C8orf34: variants seen among roughly 807,000 people sequenced by gnomAD.
The protein encoded by C8orf34 is uncharacterized protein C8orf34.
In C8orf34, 65 loss-of-function variants were observed where a neutral mutation model predicts 68.3. The observed-to-expected ratio is 0.95, with a 90% CI of 0.78 to 1.17. The LOEUF is 1.17. C8orf34 is among the 50% of genes most tolerant of loss of function. The pLI, the probability that C8orf34 is intolerant of heterozygous loss-of-function variation, is 0.00. For synonymous variants in C8orf34, 244 were observed against 241.2 expected (o/e 1.01, Z -0.11); for missense variants, 664 against 655.4 (o/e 1.01, Z -0.14).
At chr8:68,352,823 A>G (rs999169147) in intron 1 of C8orf34, among the ~76,000 whole-genome samples, 1 of 152,170 alleles carries the variant, frequency 6.6e-6, no homozygotes, top group Non-Finnish European at 1.5e-5. Context: ...CAAATTATAC[A>G]AGATGGTCAG....
chr8:68,680,396 C>A (rs1024600527), intron 8 of C8orf34, among the ~76,000 whole-genome samples: 5 of 152,120 alleles, frequency 3.3e-5, no homozygotes, highest in Admixed American at 3.3e-4. Context: ...TGTCAGCCAG[C>A]TGAGAAATAA....
At chr8:68,806,330 A>T (rs1824483948) in intron 12 of C8orf34, among the ~76,000 whole-genome samples, 1 of 152,100 alleles carries the variant, frequency 6.6e-6, no homozygotes, top group African/African-American at 2.4e-5. Context: ...ATAAAAAAAA[A>T]GATTTGTTTT....
At chr8:68,421,221 G>T (rs1180941720) in intron 1 of C8orf34, among the ~76,000 whole-genome samples, 3 of 152,140 alleles carry the variant, frequency 2.0e-5, no homozygotes, top group Non-Finnish European at 4.4e-5. Flanking sequence ...AAGACCTTGG[G>T]CATTATTCAA....
intron 1 of C8orf34, among the ~76,000 whole-genome samples, chr8:68,417,472 C>T (rs1809726729): frequency 6.6e-6 from 1 of 151,996 alleles, no homozygotes; most frequent in Non-Finnish European, 1.5e-5. Context: ...CTGGTTTTCA[C>T]TGTATGTCCT....
At chr8:68,593,295 C>T (rs758552567) in intron 7 of C8orf34, among the ~76,000 whole-genome samples, 6 of 152,076 alleles carry the variant, frequency 3.9e-5, no homozygotes, top group Non-Finnish European at 5.9e-5. Flanking sequence ...AATCAATTAA[C>T]TTATTGAGTA....
chr8:68,778,685 T>TA (rs1460468857), intron 11 of C8orf34, among the ~76,000 whole-genome samples: 1 of 152,196 alleles, frequency 6.6e-6, no homozygotes, highest in African/African-American at 2.4e-5. Context: ...GTTAAATTTT[T>TA]AAAAATATTA....
At chr8:68,515,494 A>G (rs571737683) in intron 5 of C8orf34, among the ~76,000 whole-genome samples, 84 of 152,268 alleles carry the variant, frequency 5.5e-4, no homozygotes, top group Non-Finnish European at 9.7e-4. Flanking sequence ...ACCATCTTAA[A>G]GCAGTGTAAA....
intron 11 of C8orf34, among the ~76,000 whole-genome samples, chr8:68,782,367 C>T (rs1823701677): frequency 6.6e-6 from 1 of 150,736 alleles, no homozygotes; most frequent in African/African-American, 2.4e-5. Context: ...TAAAAAAAAG[C>T]AAGTTAAAGT....
chr8:68,586,843 T>A (rs925033262), intron 7 of C8orf34, among the ~76,000 whole-genome samples: 14 of 152,140 alleles, frequency 9.2e-5, no homozygotes, highest in Non-Finnish European at 1.9e-4. Flanking sequence ...CAGCAAGCTA[T>A]AGCCCAAGGA....
chr8:68,666,066 T>C (rs905930292), intron 8 of C8orf34, among the ~76,000 whole-genome samples: 1 of 152,216 alleles, frequency 6.6e-6, no homozygotes, highest in Non-Finnish European at 1.5e-5. Context: ...CCATGGCCGG[T>C]ATTTTTGTAA....
intron 4 of C8orf34, among the ~76,000 whole-genome samples, chr8:68,478,246 G>GTT (rs1563472882): frequency 6.6e-6 from 1 of 151,744 alleles, no homozygotes; most frequent in Non-Finnish European, 1.5e-5. Context: ...CCACAGATCT[G>GTT]CCCTAGAGAT....
chr8:68,707,089 T>A (rs922389960), intron 8 of C8orf34, among the ~76,000 whole-genome samples: 1 of 152,172 alleles, frequency 6.6e-6, no homozygotes, highest in African/African-American at 2.4e-5. Context: ...AATTTAACTT[T>A]TATTTAGACT....
rs367834162 is a variant in C8orf34, at chr8:68,781,613, C to G, written c.1455+5164C>G. On this transcript the variant is annotated intron_variant, in intron 11 of 13. Coordinates refer to ENST00000518698, the MANE Select transcript of C8orf34 (RefSeq NM_052958.4). ...TGTTCAAGATTTTAGCTCTTTGACCCCATCAAAAAGAATTATATGTAGCCT... is the reference window on the plus strand; with the variant it reads ...TGTTCAAGATTTTAGCTCTTTGACCGCATCAAAAAGAATTATATGTAGCCT... 4.6e-5 allele frequency among the ~76,000 whole-genome samples: 7 copies of G among 152,176 alleles called. No homozygotes were observed. The South Asian group carries it at 1.2e-3, about 27-fold the overall frequency.
intron 7 of C8orf34, among the ~76,000 whole-genome samples, chr8:68,575,956 G>GTTTTTTTTTTTTTT (rs59081528): frequency 1.0e-5 from 1 of 96,348 alleles, no homozygotes; most frequent in Non-Finnish European, 2.1e-5. Context: ...GTAGATGGTT[G>GTTTTTTTTTTTTTT]TTTTTTTTTT....
chr8:68,817,726 A>T (rs1447105719), intron 13 of C8orf34, among the ~76,000 whole-genome samples: 2 of 152,164 alleles, frequency 1.3e-5, no homozygotes, highest in Non-Finnish European at 2.9e-5. Context: ...TTTACAAAGA[A>T]AAGAGGTTTA....
chr8:68,374,033 A>C (rs1168530907), intron 1 of C8orf34, among the ~76,000 whole-genome samples: 3 of 152,200 alleles, frequency 2.0e-5, no homozygotes, highest in Non-Finnish European at 4.4e-5. Context: ...CTCCTGCCTT[A>C]GCCTGTTGAA....
intron 5 of C8orf34, among the ~76,000 whole-genome samples, chr8:68,509,453 G>A (rs1339849740): frequency 5.3e-5 from 8 of 152,306 alleles, no homozygotes; most frequent in Admixed American, 4.6e-4. Flanking sequence ...GGCATGTTGG[G>A]CTTCTGGGTT....
intron 7 of C8orf34, among the ~76,000 whole-genome samples, chr8:68,574,837 T>G (rs1156567468): frequency 1.3e-5 from 2 of 152,010 alleles, no homozygotes; most frequent in African/African-American, 2.4e-5. Flanking sequence ...TAGTCCACAT[T>G]GGAAGATTTT....
intron 7 of C8orf34, among the ~76,000 whole-genome samples, chr8:68,573,274 G>A (rs1816808288): frequency 6.6e-6 from 1 of 152,102 alleles, no homozygotes; most frequent in Non-Finnish European, 1.5e-5. Flanking sequence ...TGAAATGTGG[G>A]TGGAAATGAC....
Sources: gnomAD v4.1 joint callset for allele counts (sites outside exome capture counted in the v4.1 genomes callset) on GRCh38, gnomAD v4.1.1 for gene constraint, MANE v1.5 for transcripts, NCBI Gene and HGNC (gene_info 2026-07-23, HGNC 2026-07-21) for gene names.